The following TAOK1 variants were observed in gnomAD, a reference collection of about 807,000 sequenced individuals.
TAOK1 encodes serine/threonine-protein kinase TAO1.
TAOK1 carries 21 observed loss-of-function variants against 138.3 expected under a neutral mutation model. The ratio of observed to expected loss-of-function variants is 0.15; its 90% CI spans 0.11 to 0.22. The LOEUF (loss-of-function observed/expected upper bound fraction) is 0.22, where lower values mean the gene tolerates loss of function less well. TAOK1 is among the 10% of genes least tolerant of loss of function. The pLI, the probability that TAOK1 is intolerant of heterozygous loss-of-function variation, is 1.00. For synonymous variants in TAOK1, 361 were observed against 398.4 expected, an observed-to-expected ratio of 0.91 and a Z score of 1.12; for missense variants, 651 against 1,227.7, an observed-to-expected ratio of 0.53 and a Z score of 7.02.
intron 3 of TAOK1, among the ~76,000 whole-genome samples, chr17:29,472,137 C>T (rs1045334862): frequency 6.6e-6 from 1 of 152,136 alleles, no homozygotes; most frequent in African/African-American, 2.4e-5. Context: ...ATTTGCCCTC[C>T]CATGAGTCGG....
rs59961373 is a variant in TAOK1, at chr17:29,422,131, T to G, written c.-94-29324T>G. On this transcript the variant is annotated intron_variant, in intron 1 of 19. Transcript: ENST00000261716. ...CCAGGATGGTCTCAATCTCCTGACC[T>G]CGTGATCCACCCGCCTCGGCCTCCC... is the stretch of plus-strand genomic sequence containing the variant. Among the ~76,000 whole-genome samples the G allele has an allele frequency of 9.0e-3, 1,374 of 151,952 alleles. 26 individuals are homozygous for G. Among genetic ancestry groups the G allele is most frequent in the African/African-American group, 0.031 (1,291 of 41,446 alleles).
Position 29,544,954 on chromosome 17 carries a change from T to C in TAOK1, c.*1932T>C, listed in dbSNP as rs2032378371. 6.6e-6 allele frequency: 1 copy of C among 152,222 alleles called. No homozygotes were observed. The highest frequency in any genetic ancestry group is 2.4e-5 in the African/African-American group (1 of 41,464). The allele number at this position is 152,222 out of a possible 1,614,324, so 9.4% of individuals were successfully genotyped here. ...CCAAATTTTAAGTCTTTCCCAGGTA[T>C]GTCAGTCGAGTTGCCATGAATCCTC... On this transcript the variant is annotated 3_prime_UTR_variant, in exon 20 of 20. Coordinates refer to ENST00000261716, the MANE Select transcript of TAOK1 (RefSeq NM_020791.4).
intron 1 of TAOK1, among the ~76,000 whole-genome samples, chr17:29,398,074 C>G (rs1440099140): frequency 3.3e-5 from 5 of 151,998 alleles, no homozygotes; most frequent in African/African-American, 4.8e-5. Flanking sequence ...TCTATGTTGC[C>G]CAATCTGGTC....
intron 1 of TAOK1, among the ~76,000 whole-genome samples, chr17:29,397,621 T>TAA (rs2153019735): frequency 1.6e-5 from 1 of 61,052 alleles, no homozygotes; most frequent in East Asian, 1.3e-3. Flanking sequence ...AAAATATATA[T>TAA]ATATATATAC....
At chr17:29,479,744 G>A (rs1280338973) in intron 6 of TAOK1, among the ~76,000 whole-genome samples, 1 of 151,994 alleles carries the variant, frequency 6.6e-6, no homozygotes, top group Non-Finnish European at 1.5e-5. Context: ...CTAATTAGAT[G>A]GACAGTCTTA....
At chr17:29,453,529 G>T (rs2153024412) in intron 2 of TAOK1, among the ~76,000 whole-genome samples, 1 of 152,146 alleles carries the variant, frequency 6.6e-6, no homozygotes, top group Admixed American at 6.5e-5. Context: ...GGGATTACAG[G>T]TGTGAGCCAC....
chr17:29,442,061 G>GT (rs1346347536), intron 1 of TAOK1, among the ~76,000 whole-genome samples: 37 of 148,690 alleles, frequency 2.5e-4, no homozygotes, highest in East Asian at 7.9e-4. Context: ...TTTTTTGTTT[G>GT]TTTTTTTTTG....
At chr17:29,466,413 C>T (rs969287726) in intron 2 of TAOK1, among the ~76,000 whole-genome samples, 1 of 152,134 alleles carries the variant, frequency 6.6e-6, no homozygotes, top group African/African-American at 2.4e-5. Flanking sequence ...CAAAGTGCTG[C>T]GATTACAGGT....
chr17:29,391,287 C>T (rs1904417757), intron 1 of TAOK1, among the ~76,000 whole-genome samples: 1 of 152,122 alleles, frequency 6.6e-6, no homozygotes, highest in Non-Finnish European at 1.5e-5. Flanking sequence ...AGGTGTGGCC[C>T]TCACAGGGAG....
At chr17:29,520,460 C>G (rs976932528) in intron 16 of TAOK1, among the ~76,000 whole-genome samples, 1 of 151,470 alleles carries the variant, frequency 6.6e-6, no homozygotes, top group Non-Finnish European at 1.5e-5. Flanking sequence ...ATTGCCCAGG[C>G]TGGAATGCAG....
chr17:29,528,968 CTT>C (rs377040359), intron 17 of TAOK1, among the ~76,000 whole-genome samples: 117 of 126,888 alleles, frequency 9.2e-4, no homozygotes, highest in African/African-American at 2.4e-3. Flanking sequence ...GCTTTTATAT[CTT>C]TTTTTTTTTT....
chr17:29,521,924 G>A (rs973847946), intron 16 of TAOK1, among the ~76,000 whole-genome samples: 11 of 152,202 alleles, frequency 7.2e-5, no homozygotes, highest in South Asian at 2.1e-4. Flanking sequence ...AGTAGACTGC[G>A]TGTAAAATAA....
chr17:29,441,904 A>C (rs536693525), intron 1 of TAOK1, among the ~76,000 whole-genome samples: 10 of 152,230 alleles, frequency 6.6e-5, no homozygotes, highest in Admixed American at 1.3e-4. Context: ...TCTCAAAAAA[A>C]AAAAAATCTC....
At chr17:29,499,226 T>C (rs2031468632) in intron 12 of TAOK1, among the ~76,000 whole-genome samples, 1 of 142,786 alleles carries the variant, frequency 7.0e-6, no homozygotes, top group Non-Finnish European at 1.5e-5. Context: ...ATAATGTTTA[T>C]ATCTTTTTTT....
chr17:29,431,105 AT>A (rs1427961773), intron 1 of TAOK1, among the ~76,000 whole-genome samples: 1 of 152,118 alleles, frequency 6.6e-6, no homozygotes, highest in Non-Finnish European at 1.5e-5. Context: ...AAGTGATTCC[AT>A]TTTGGTTTGG....
intron 1 of TAOK1, among the ~76,000 whole-genome samples, chr17:29,399,984 G>A (rs562659932): frequency 1.6e-4 from 24 of 152,198 alleles, no homozygotes; most frequent in African/African-American, 5.5e-4. Context: ...CTTCTGCCTT[G>A]TTCTCCCAAA....
intron 5 of TAOK1, 30 bp downstream of exon 5, chr17:29,477,736 G>C: frequency 2.3e-6 from 3 of 1,293,258 alleles, no homozygotes; most frequent in Non-Finnish European, 3.1e-6. Context: ...TTTTTAAAAA[G>C]TATTCACAGA....
At chr17:29,532,103 G>A (rs1353408040) in intron 18 of TAOK1, among the ~76,000 whole-genome samples, 9 of 151,808 alleles carry the variant, frequency 5.9e-5, no homozygotes, top group African/African-American at 1.5e-4. Context: ...CTTGTGATCC[G>A]CCCGCCTCAG....
At chr17:29,423,224 C>CTTTCT (rs777276146) in intron 1 of TAOK1, among the ~76,000 whole-genome samples, 2 of 112,746 alleles carry the variant, frequency 1.8e-5, no homozygotes, top group East Asian at 4.6e-4. Context: ...TTCTTCTTTT[C>CTTTCT]TTTTTTTTTT....
Sources: gnomAD v4.1 joint callset for allele counts (sites outside exome capture counted in the v4.1 genomes callset) on GRCh38, gnomAD v4.1.1 for gene constraint, MANE v1.5 for transcripts, NCBI Gene and HGNC (gene_info 2026-07-23, HGNC 2026-07-21) for gene names.